AFF2: variants seen among roughly 807,000 people sequenced by gnomAD.
The protein encoded by AFF2 is ALF transcription elongation factor 2, also known as AF4/FMR2 family member 2.
AFF2 carries 14 observed loss-of-function variants against 76.9 expected under a neutral mutation model. The ratio of observed to expected loss-of-function variants is 0.18; its 90% CI spans 0.12 to 0.28. The LOEUF (loss-of-function observed/expected upper bound fraction) is 0.28, where lower values mean the gene tolerates loss of function less well. AFF2 is among the 10% of genes least tolerant of loss of function. The probability of loss-of-function intolerance (pLI) is 1.00; values close to 1 mark genes in which losing one functional copy is unlikely to be tolerated. For missense variants in AFF2, 868 were observed against 1,001.1 expected, an observed-to-expected ratio of 0.87 and a Z score of 1.79; for synonymous variants, 398 against 366.7, an observed-to-expected ratio of 1.09 and a Z score of -0.98.
intron 4 of AFF2, among the ~76,000 whole-genome samples, chrX:148,814,066 A>G (rs1780641319): frequency 8.9e-6 from 1 of 112,223 alleles, no homozygotes; most frequent in African/African-American, 3.2e-5. Flanking sequence ...TTTACTCTTT[A>G]GAGTCAAGCT....
At chrX:148,787,340 G>T (rs2069834924) in intron 3 of AFF2, among the ~76,000 whole-genome samples, 1 of 111,568 alleles carries the variant, frequency 9.0e-6, no homozygotes, top group Non-Finnish European at 1.9e-5. Context: ...GTATGTGTGT[G>T]TATACATACG....
chrX:148,641,482 A>C (rs1383046382), intron 1 of AFF2, among the ~76,000 whole-genome samples: 1 of 111,820 alleles, frequency 8.9e-6, no homozygotes, highest in African/African-American at 3.3e-5. Flanking sequence ...GTAGAGTAGA[A>C]GGGACAGGAT....
At chrX:148,887,952 A>G (rs1461079985) in intron 8 of AFF2, among the ~76,000 whole-genome samples, 2 of 112,701 alleles carry the variant, frequency 1.8e-5, no homozygotes, top group African/African-American at 6.4e-5. Context: ...TAATACTAGC[A>G]ATGTTTGCAG....
At chrX:148,598,914 A>G (rs189486215) in intron 1 of AFF2, among the ~76,000 whole-genome samples, 46 of 112,735 alleles carry the variant, frequency 4.1e-4, no homozygotes, top group Admixed American at 2.9e-3. Flanking sequence ...ATTTCATTTC[A>G]TGTTTCCCTT....
chrX:148,505,851 A>T (rs1321690593), intron 1 of AFF2, among the ~76,000 whole-genome samples: 1 of 111,706 alleles, frequency 9.0e-6, no homozygotes, highest in Non-Finnish European at 1.9e-5. Flanking sequence ...TTGCTGTTGG[A>T]TAAAGAGAGA....
chrX:148,682,578 GTGGATGGA>G (rs781792992), intron 3 of AFF2, among the ~76,000 whole-genome samples: 1,238 of 106,286 alleles, frequency 0.012, 25 homozygotes, highest in African/African-American at 0.039. Flanking sequence ...GGGTGGACAG[GTGGATGGA>G]TGGATGGATG....
At chrX:148,651,976 T>G (rs1557256392) in intron 1 of AFF2, 23 bp from the exon 2 acceptor site, 2 of 1,148,704 alleles carry the variant, frequency 1.7e-6, no homozygotes. Flanking sequence ...TTTTCTCTTT[T>G]TGTCTTTTCC....
intron 1 of AFF2, among the ~76,000 whole-genome samples, chrX:148,560,687 G>C (rs1557240457): frequency 1.8e-5 from 2 of 112,097 alleles, no homozygotes; most frequent in Non-Finnish European, 3.8e-5. Flanking sequence ...AAATTTGTAT[G>C]GAAATATCTG....
chrX:148,933,819 T>A (rs1436968746), intron 9 of AFF2, among the ~76,000 whole-genome samples: 1 of 111,707 alleles, frequency 9.0e-6, no homozygotes, highest in African/African-American at 3.3e-5. Context: ...AGTGGGAGAA[T>A]GTTAGCTGCT....
intron 17 of AFF2, among the ~76,000 whole-genome samples, 159 bp from the exon 18 acceptor site, chrX:148,978,203 A>ATGCTTG (rs1239236750): frequency 8.9e-6 from 1 of 112,798 alleles, no homozygotes; most frequent in African/African-American, 3.2e-5. Context: ...TGGGATTTTA[A>ATGCTTG]TGCTTGCCCC....
At position 148,501,180 on chromosome X, in the gene AFF2, G is replaced by A. The variant is rs782489174; in HGVS notation, c.47+36G>A. 5 of 1,203,853 alleles carry A rather than the reference G, an allele frequency of 4.2e-6. No homozygotes were observed. The African/African-American group carries it at 7.0e-5, about 17-fold the overall frequency. On this transcript the variant is annotated intron_variant, in intron 1 of 20. Transcript: ENST00000370460. ...ATTTTTGCCTTCTCCTTTGATGAGC[G>A]AGTCTCCTGGCGAAGTCTGAGGTTT... is the stretch of plus-strand genomic sequence containing the variant.
chrX:148,828,897 T>G (rs1313212209), intron 4 of AFF2, among the ~76,000 whole-genome samples: 1 of 112,196 alleles, frequency 8.9e-6, no homozygotes, highest in Non-Finnish European at 1.9e-5. Flanking sequence ...CAGTGGAGAT[T>G]CAGAATACTG....
intron 1 of AFF2, among the ~76,000 whole-genome samples, chrX:148,520,355 G>A (rs1603229092): frequency 8.9e-6 from 1 of 111,746 alleles, no homozygotes; most frequent in South Asian, 3.7e-4. Flanking sequence ...TCTCACTGCC[G>A]CTTTCCATGA....
At chrX:148,710,374 TG>T (rs2032669096) in intron 3 of AFF2, among the ~76,000 whole-genome samples, 1 of 111,974 alleles carries the variant, frequency 8.9e-6, no homozygotes, top group Non-Finnish European at 1.9e-5. Flanking sequence ...AATATAGACT[TG>T]AGAGCAATAC....
chrX:148,826,016 T>C lies in AFF2; in HGVS notation c.1087-11631T>C, dbSNP rs189581052. 1.8e-3 allele frequency among the ~76,000 whole-genome samples: 195 copies of C among 110,343 alleles called. 1 individual carries two copies. Among genetic ancestry groups the C allele is most frequent in the Middle Eastern group, 9.1e-3 (2 of 219 alleles). On this transcript the variant is annotated intron_variant, in intron 4 of 20. Coordinates refer to ENST00000370460, the MANE Select transcript of AFF2 (RefSeq NM_002025.4). Reference sequence around the variant, plus strand: ...ATTTATTTACTTCAAGACCAATGTTTCATTTGCACACTGAAACCTTCCTAG... The same window carrying C: ...ATTTATTTACTTCAAGACCAATGTTCCATTTGCACACTGAAACCTTCCTAG...
intron 12 of AFF2, among the ~76,000 whole-genome samples, chrX:148,959,975 C>T (rs2215243): frequency 0.1 from 11,408 of 112,154 alleles, 865 homozygotes; most frequent in African/African-American, 0.26. Context: ...AGTGGCCTGT[C>T]GCCTTCCCCA....
intron 3 of AFF2, among the ~76,000 whole-genome samples, chrX:148,720,779 T>C (rs1294778749): frequency 8.9e-6 from 1 of 112,344 alleles, no homozygotes; most frequent in Admixed American, 9.4e-5. Context: ...GCAATTTAAG[T>C]GACACTTGCA....
At chrX:148,531,724 C>A (rs1557235924) in intron 1 of AFF2, among the ~76,000 whole-genome samples, 2 of 111,970 alleles carry the variant, frequency 1.8e-5, no homozygotes, top group African/African-American at 6.5e-5. Context: ...ATCTATCTGT[C>A]TATATGTTAA....
intron 3 of AFF2, among the ~76,000 whole-genome samples, chrX:148,729,841 C>T (rs1231230395): frequency 8.9e-6 from 1 of 111,732 alleles, no homozygotes; most frequent in Non-Finnish European, 1.9e-5. Flanking sequence ...TCTCAACTTT[C>T]CACTTTGCTA....
Sources: allele counts gnomAD v4.1 joint callset (sites outside exome capture counted in the v4.1 genomes callset), GRCh38; gene constraint gnomAD v4.1.1; transcripts MANE v1.5; gene names NCBI Gene and HGNC (gene_info 2026-07-23, HGNC 2026-07-21).